PDZRN3: variants seen among roughly 807,000 people sequenced by gnomAD.
PDZRN3 encodes E3 ubiquitin-protein ligase PDZRN3.
Under a neutral mutation model 85.7 loss-of-function variants are expected in PDZRN3, and 38 were observed. The ratio of observed to expected loss-of-function variants is 0.44; its 90% CI spans 0.34 to 0.58. The LOEUF (loss-of-function observed/expected upper bound fraction) is 0.58. PDZRN3 is among the 20% of genes least tolerant of loss of function. The pLI is 0.01. For synonymous variants in PDZRN3, 759 were observed against 638.0 expected (o/e 1.19, Z -2.86); for missense variants, 1,629 against 1,506.4 (o/e 1.08, Z -1.35).
intron 1 of PDZRN3, 21 bp from the exon 2 acceptor site, chr3:73,608,705 C>T (rs138207112): frequency 6.6e-7 from 1 of 1,509,758 alleles, no homozygotes; most frequent in African/African-American, 1.4e-5. Context: ...CAAATGAGAT[C>T]AAACTTTTAT....
chr3:73,579,584 G>A (rs985340735), intron 3 of PDZRN3, among the ~76,000 whole-genome samples: 2 of 152,156 alleles, frequency 1.3e-5, no homozygotes, highest in African/African-American at 4.8e-5. Context: ...CATAGAGGTC[G>A]ACAGGTATTG....
At chr3:73,482,469 TTCA>T (rs1189420787) in intron 3 of PDZRN3, among the ~76,000 whole-genome samples, 1 of 152,220 alleles carries the variant, frequency 6.6e-6, no homozygotes, top group Non-Finnish European at 1.5e-5. Flanking sequence ...GTGACTGTCA[TTCA>T]TCTAGGCGTC....
At chr3:73,392,474 C>T (rs1214895353) in intron 5 of PDZRN3, among the ~76,000 whole-genome samples, 3 of 152,196 alleles carry the variant, frequency 2.0e-5, no homozygotes, top group African/African-American at 7.2e-5. Flanking sequence ...CTCTTTCTAG[C>T]AGCTCGATCA....
chr3:73,541,251 G>A (rs753478695), intron 3 of PDZRN3, among the ~76,000 whole-genome samples: 2 of 151,978 alleles, frequency 1.3e-5, no homozygotes, highest in Non-Finnish European at 2.9e-5. Flanking sequence ...TTCTATCAAA[G>A]TCCAACATGT....
chr3:73,558,071 A>G (rs1463571513), intron 3 of PDZRN3, among the ~76,000 whole-genome samples: 1 of 151,974 alleles, frequency 6.6e-6, no homozygotes, highest in African/African-American at 2.4e-5. Flanking sequence ...TATCTTTAAT[A>G]TATGTTTTTT....
At chr3:73,477,686 C>A (rs1703484153) in intron 3 of PDZRN3, among the ~76,000 whole-genome samples, 1 of 152,140 alleles carries the variant, frequency 6.6e-6, no homozygotes, top group African/African-American at 2.4e-5. Context: ...TGGCTAGATG[C>A]TGCCATGAAT....
Position 73,383,305 on chromosome 3 carries a change from G to A in PDZRN3, c.*60C>T. 1.4e-6 allele frequency: 2 copies of A among 1,477,244 alleles called. No homozygotes were observed. Among genetic ancestry groups the A allele is most frequent in the East Asian group, 2.3e-5 (1 of 43,988 alleles). The allele number at this position is 1,477,244 out of a possible 1,614,324, so 91.5% of individuals were successfully genotyped here. On this transcript the variant is annotated 3_prime_UTR_variant, in exon 10 of 10. Coordinates refer to ENST00000263666, the MANE Select transcript of PDZRN3 (RefSeq NM_015009.3). ...ACAAAAACTTGCCGCATTGAACGAGGCAGGAATTTCTACCCCAGTGGTAGT... is the reference window on the plus strand; with the variant it reads ...ACAAAAACTTGCCGCATTGAACGAGACAGGAATTTCTACCCCAGTGGTAGT...
chr3:73,442,337 T>G (rs1370339999), intron 3 of PDZRN3, among the ~76,000 whole-genome samples: 1 of 152,106 alleles, frequency 6.6e-6, no homozygotes, highest in Admixed American at 6.5e-5. Context: ...TTTGCATGTT[T>G]CAAAGTCCTA....
At chr3:73,499,084 G>T (rs1354442378) in intron 3 of PDZRN3, among the ~76,000 whole-genome samples, 1 of 152,116 alleles carries the variant, frequency 6.6e-6, no homozygotes, top group Non-Finnish European at 1.5e-5. Context: ...GCACGAAAGG[G>T]ATAAACAACC....
intron 3 of PDZRN3, among the ~76,000 whole-genome samples, chr3:73,440,039 CTTA>C (rs1702603097): frequency 1.4e-5 from 2 of 145,808 alleles, no homozygotes; most frequent in African/African-American, 2.8e-5. Flanking sequence ...CGCCCAGACT[CTTA>C]TTTTTTTTTT....
At chr3:73,449,933 T>C (rs1702825046) in intron 3 of PDZRN3, among the ~76,000 whole-genome samples, 1 of 152,160 alleles carries the variant, frequency 6.6e-6, no homozygotes. Flanking sequence ...AGAGTCTCAG[T>C]CTGATTCACA....
At chr3:73,507,926 C>A (rs900882034) in intron 3 of PDZRN3, among the ~76,000 whole-genome samples, 9 of 152,200 alleles carry the variant, frequency 5.9e-5, no homozygotes, top group Admixed American at 5.9e-4. Flanking sequence ...AACCCCGTTT[C>A]TACTAAAAAT....
Position 73,414,883 on chromosome 3 carries a change from T to C in PDZRN3, c.919-10488A>G, listed in dbSNP as rs138851800. 1.1e-3 allele frequency among the ~76,000 whole-genome samples: 173 copies of C among 152,372 alleles called. 1 individual carries two copies. The East Asian group carries it at 0.024, about 21-fold the overall frequency. On this transcript the variant is annotated intron_variant, in intron 3 of 9. Transcript: ENST00000263666. ...AGTATGGCATGCATTTGAAATACTC[T>C]TCAAAGACTAAAGCCACTTTATTGC...
intron 3 of PDZRN3, among the ~76,000 whole-genome samples, chr3:73,410,964 A>T (rs1036960438): frequency 2.0e-5 from 3 of 152,232 alleles, no homozygotes; most frequent in Non-Finnish European, 4.4e-5. Context: ...ATTATAGGAA[A>T]GCCAATGGCA....
At chr3:73,446,592 A>T (rs1017412332) in intron 3 of PDZRN3, among the ~76,000 whole-genome samples, 1 of 152,222 alleles carries the variant, frequency 6.6e-6, no homozygotes, top group African/African-American at 2.4e-5. Context: ...AAATTTACAG[A>T]ATACTCACTA....
At chr3:73,417,449 C>A (rs928810868) in intron 3 of PDZRN3, among the ~76,000 whole-genome samples, 3 of 152,050 alleles carry the variant, frequency 2.0e-5, no homozygotes, top group Non-Finnish European at 4.4e-5. Flanking sequence ...TGTGCACGTG[C>A]GGGGAAATAC....
chr3:73,466,690 G>A (rs370994801), intron 3 of PDZRN3, among the ~76,000 whole-genome samples: 15 of 152,132 alleles, frequency 9.9e-5, no homozygotes, highest in African/African-American at 3.1e-4. Context: ...GAATGAATTT[G>A]TAGAAAGGGT....
At chr3:73,397,692 A>G (rs1701667924) in intron 5 of PDZRN3, among the ~76,000 whole-genome samples, 1 of 152,208 alleles carries the variant, frequency 6.6e-6, no homozygotes, top group Non-Finnish European at 1.5e-5. Flanking sequence ...TTCCTAGCCT[A>G]GGAGGCCTGA....
At chr3:73,468,471 A>G (rs757753367) in intron 3 of PDZRN3, among the ~76,000 whole-genome samples, 3 of 152,002 alleles carry the variant, frequency 2.0e-5, no homozygotes, top group Admixed American at 6.6e-5. Flanking sequence ...AGTCAATTAA[A>G]GCACATTTGG....
Sources: gnomAD v4.1 joint callset for allele counts (sites outside exome capture counted in the v4.1 genomes callset) on GRCh38, gnomAD v4.1.1 for gene constraint, MANE v1.5 for transcripts, NCBI Gene and HGNC (gene_info 2026-07-23, HGNC 2026-07-21) for gene names.